The following MYO16 variants were observed in gnomAD, a reference collection of about 807,000 sequenced individuals.
MYO16 encodes myosin XVI, also known as unconventional myosin-XVI.
Under a neutral mutation model 205.3 loss-of-function variants are expected in MYO16, and 94 were observed. That is an observed-to-expected ratio of 0.46 (90% CI 0.39 to 0.54). The LOEUF is 0.54. Ranked by LOEUF, MYO16 falls within the 20% of genes least tolerant of loss-of-function variation. The pLI, the probability that MYO16 is intolerant of heterozygous loss-of-function variation, is 0.00. For synonymous variants in MYO16, 988 were observed against 954.0 expected (o/e 1.04, Z -0.66); for missense variants, 2,315 against 2,387.5 (o/e 0.97, Z 0.63).
intron 16 of MYO16, among the ~76,000 whole-genome samples, chr13:108,920,588 A>G (rs1013549167): frequency 2.0e-5 from 3 of 152,144 alleles, no homozygotes; most frequent in Admixed American, 1.3e-4. Context: ...CCTCCCGAGT[A>G]GCTGGGATTA....
At chr13:109,011,487 T>A (rs12429687) in intron 22 of MYO16, among the ~76,000 whole-genome samples, 6,334 of 84,018 alleles carry the variant, frequency 0.075, 202 homozygotes, top group Admixed American at 0.15. Context: ...CTTTTTTTTT[T>A]TTCTTCCTTT....
rs1286966730 is a variant in MYO16 at position 109,140,987 on chromosome 13, C to G, written c.4775C>G (p.Pro1592Arg). 3 of 1,372,990 alleles carry G rather than the reference C, an allele frequency of 2.2e-6. No individual in the cohort carries two copies. Among genetic ancestry groups the G allele is most frequent in the Non-Finnish European group, 2.8e-6 (3 of 1,061,402 alleles). 85.1% of individuals were successfully genotyped at this position (1,372,990 alleles called of 1,614,324 possible). A position where few individuals can be genotyped will look rare whatever the true frequency, so the allele number is the denominator to read the frequency against. Reference sequence around the variant, plus strand: ...AACGGGTCCGGCCGAGCCTCCCCGCCGTCCACGCCGCCCCCGCCCCCGCCC... The same window carrying G: ...AACGGGTCCGGCCGAGCCTCCCCGCGGTCCACGCCGCCCCCGCCCCCGCCC... ...LFNGSGRASP[P>R]STPPPPPPPP... Residue 1592 changes from proline (P) to arginine (R), a missense_variant, in exon 32 of 35, where the codon CCG (proline) becomes CGG (arginine). Transcript: ENST00000457511. This position sits in a 1 kb window ranked among gnomAD's most constrained non-coding sequence, Gnocchi z 8.0.
upstream of MYO16, among the ~76,000 whole-genome samples, chr13:108,591,254 G>A (rs544603515): frequency 6.6e-6 from 1 of 152,272 alleles, no homozygotes; most frequent in East Asian, 1.9e-4. Flanking sequence ...GTGCTCCAGG[G>A]GTGAGCTTGT....
In MYO16 at chr13:108,947,159, GT is replaced by G. The variant is rs1467695669; in HGVS notation, c.1926-10525del. On this transcript the variant is annotated intron_variant, in intron 16 of 34. Transcript: ENST00000457511. The stretch of plus-strand genomic sequence containing the variant: ...ACTATAATATTTGCATATTACTAAA[GT>G]TTTGGTGAAGATGCCTATGTTAGTC... 2.0e-5 allele frequency among the ~76,000 whole-genome samples: 3 copies of G among 152,330 alleles called. No homozygotes were observed. The East Asian group carries it at 5.8e-4, about 29-fold the overall frequency.
intron 1 of MYO16, among the ~76,000 whole-genome samples, chr13:108,603,116 A>G (rs1328488827): frequency 6.6e-6 from 1 of 152,206 alleles, no homozygotes; most frequent in East Asian, 1.9e-4. Context: ...TTCCAAAGGA[A>G]TATTTTGAGA....
At chr13:108,742,885 G>GT in intron 4 of MYO16, among the ~76,000 whole-genome samples, 1 of 152,176 alleles carries the variant, frequency 6.6e-6, no homozygotes, top group Non-Finnish European at 1.5e-5. Context: ...GGATCATGTG[G>GT]TTTTTATAGG....
In MYO16 at chr13:108,753,332, T is replaced by C. The variant is rs1195967706; in HGVS notation, c.507+25749T>C. On this transcript the variant is annotated intron_variant, in intron 4 of 34. Coordinates refer to ENST00000457511, the MANE Select transcript of MYO16 (RefSeq NM_001198950.3). ...TTGCAGTGAGTCAAGATTGTTCCACTGCACTCCAGCCTGGGCAATAAGAGC... is the reference window on the plus strand; with the variant it reads ...TTGCAGTGAGTCAAGATTGTTCCACCGCACTCCAGCCTGGGCAATAAGAGC... Among the ~76,000 whole-genome samples the C allele has an allele frequency of 2.9e-5, 4 of 140,048 alleles. No homozygotes were observed. In the East Asian group the frequency reaches 8.0e-4, roughly 28 times the overall value. The allele number at this position is 140,048 out of a possible 152,430, so 91.9% of individuals were successfully genotyped here.
chr13:108,513,217 C>T, the MYO16 span, among the ~76,000 whole-genome samples: 1 of 84,218 alleles, frequency 1.2e-5, no homozygotes, highest in Non-Finnish European at 2.1e-5. Context: ...GTGTATGTGT[C>T]GAGGAATGTA....
At chr13:108,691,531 T>A (rs1882897125) in intron 2 of MYO16, among the ~76,000 whole-genome samples, 1 of 152,134 alleles carries the variant, frequency 6.6e-6, no homozygotes, top group South Asian at 2.1e-4. Context: ...TACTTGCTTT[T>A]ATGTTTTGTT....
At chr13:108,724,868 T>C (rs1884286468) in intron 3 of MYO16, among the ~76,000 whole-genome samples, 1 of 147,344 alleles carries the variant, frequency 6.8e-6, no homozygotes, top group Non-Finnish European at 1.5e-5. Flanking sequence ...TTTTAAACAA[T>C]TATATTTTAA....
At position 108,629,650 on chromosome 13, in the gene MYO16, T is replaced by C. The variant is rs1031466900; in HGVS notation, c.-195T>C. 9 of 536,682 alleles carry C rather than the reference T, an allele frequency of 1.7e-5. No homozygotes were observed. The Admixed American group carries it at 2.3e-4, about 14-fold the overall frequency. 33.2% of individuals were successfully genotyped at this position (536,682 alleles called of 1,614,324 possible). Reference sequence around the variant, plus strand: ...AAGACCCACCGGGGAGAGGCTTATCTTAACTCCAGCTGCCGAATGAGAATG... The same window carrying C: ...AAGACCCACCGGGGAGAGGCTTATCCTAACTCCAGCTGCCGAATGAGAATG... On this transcript the variant is annotated 5_prime_UTR_variant, in exon 1 of 35. Coordinates refer to ENST00000457511, the MANE Select transcript of MYO16 (RefSeq NM_001198950.3).
At chr13:109,040,974 AGAAAG>A (rs762646493) in intron 23 of MYO16, among the ~76,000 whole-genome samples, 1 of 152,214 alleles carries the variant, frequency 6.6e-6, no homozygotes, top group African/African-American at 2.4e-5. Flanking sequence ...CCATAAAAAA[AGAAAG>A]GAAAGACTCA....
At chr13:108,742,671 A>T (rs1884946460) in intron 4 of MYO16, among the ~76,000 whole-genome samples, 1 of 152,226 alleles carries the variant, frequency 6.6e-6, no homozygotes, top group South Asian at 2.1e-4. Flanking sequence ...ACTCAATATT[A>T]AATTCACAAA....
chr13:108,720,228 G>A (rs967549192), intron 3 of MYO16, among the ~76,000 whole-genome samples: 1 of 152,150 alleles, frequency 6.6e-6, no homozygotes, highest in African/African-American at 2.4e-5. Context: ...ATGTGACATG[G>A]TGGCAGAGAA....
chr13:108,559,202 C>T, the MYO16 span, among the ~76,000 whole-genome samples: 3 of 152,056 alleles, frequency 2.0e-5, no homozygotes, highest in Admixed American at 1.3e-4. Flanking sequence ...CAGAGACGTA[C>T]ACAGAGAGGG....
intron 12 of MYO16, among the ~76,000 whole-genome samples, chr13:108,871,356 G>GTGTGTGTGTC (rs775485613): frequency 1.3e-3 from 169 of 127,744 alleles, no homozygotes; most frequent in African/African-American, 4.4e-3. Flanking sequence ...GTGTGTGTGT[G>GTGTGTGTGTC]TGTGTGTCTG....
At chr13:108,985,288 C>T (rs1049006972) in intron 20 of MYO16, among the ~76,000 whole-genome samples, 7 of 152,156 alleles carry the variant, frequency 4.6e-5, no homozygotes, top group South Asian at 2.1e-4. Context: ...CTTTAATTGA[C>T]GTGCATGGTC....
intron 1 of MYO16, among the ~76,000 whole-genome samples, chr13:108,647,983 G>C (rs994569422): frequency 6.6e-6 from 1 of 152,150 alleles, no homozygotes; most frequent in African/African-American, 2.4e-5. Flanking sequence ...AAATGCAACT[G>C]TAACCAAAAC....
chr13:108,956,742 C>T (rs1431854982), intron 16 of MYO16, among the ~76,000 whole-genome samples: 1 of 152,152 alleles, frequency 6.6e-6, no homozygotes, highest in Non-Finnish European at 1.5e-5. Context: ...GCCTGCCTTT[C>T]GCCACTGTGT....
Sources: gnomAD v4.1 joint callset for allele counts (sites outside exome capture counted in the v4.1 genomes callset) on GRCh38, gnomAD v4.1.1 for gene constraint, Gnocchi (gnomAD v3.1) non-coding constraint, MANE v1.5 for transcripts, NCBI Gene and HGNC (gene_info 2026-07-23, HGNC 2026-07-21) for gene names.